The following GNA14 variants were observed in gnomAD, a reference collection of about 807,000 sequenced individuals.
GNA14 encodes the protein G protein subunit alpha 14.
A neutral mutation model predicts 42.0 loss-of-function variants in GNA14; 50 were observed. The ratio of observed to expected loss-of-function variants is 1.19; its 90% CI spans 0.95 to 1.51. The LOEUF (loss-of-function observed/expected upper bound fraction) is 1.51, where lower values mean the gene tolerates loss of function less well. Among genes scored for constraint, GNA14 ranks in the 40% most tolerant of loss-of-function variants. The probability of loss-of-function intolerance (pLI) is 0.00; values close to 1 mark genes in which losing one functional copy is unlikely to be tolerated. For missense variants in GNA14, 473 were observed against 446.2 expected, an observed-to-expected ratio of 1.06 and a Z score of -0.54; for synonymous variants, 173 against 163.1, an observed-to-expected ratio of 1.06 and a Z score of -0.46.
chr9:77,522,373 A>T (rs1036250523), intron 2 of GNA14, among the ~76,000 whole-genome samples: 3 of 152,206 alleles, frequency 2.0e-5, no homozygotes, highest in Non-Finnish European at 4.4e-5. Flanking sequence ...AAAGACTCAA[A>T]GGAAACAAAC....
chr9:77,621,751 CAGAG>C (rs1330445638), intron 1 of GNA14, among the ~76,000 whole-genome samples: 3 of 152,128 alleles, frequency 2.0e-5, no homozygotes, highest in African/African-American at 7.2e-5. Flanking sequence ...AAATAAAAAG[CAGAG>C]AGATATTAAA....
chr9:77,540,816 C>G (rs191978272), intron 1 of GNA14, among the ~76,000 whole-genome samples: 1 of 152,134 alleles, frequency 6.6e-6, no homozygotes, highest in East Asian at 1.9e-4. Flanking sequence ...ATATCTTTTT[C>G]TATCCCTTTA....
intron 2 of GNA14, among the ~76,000 whole-genome samples, chr9:77,502,499 G>A (rs1450061031): frequency 1.3e-5 from 2 of 152,166 alleles, no homozygotes; most frequent in Admixed American, 6.5e-5. Context: ...TGGGAGATCT[G>A]GTTCCCCCTG....
At chr9:77,493,384 C>T (rs908011975) in intron 2 of GNA14, among the ~76,000 whole-genome samples, 1 of 152,200 alleles carries the variant, frequency 6.6e-6, no homozygotes, top group East Asian at 1.9e-4. Context: ...TAAAAAATTA[C>T]AATGAAGGTG....
rs371851845 is a variant in GNA14, at chr9:77,458,827, G to A, written c.310-24305C>T. Among the ~76,000 whole-genome samples, 22 of 149,642 alleles carry A rather than the reference G, an allele frequency of 1.5e-4. No individual in the cohort carries two copies. In the East Asian group the frequency reaches 3.8e-3, roughly 26 times the overall value. Reference sequence around the variant, plus strand: ...ATCAGGGCCCATTTATTCCTGAACAGTATCTCTACTGTGCTTTCCAGAGTT... The same window carrying A: ...ATCAGGGCCCATTTATTCCTGAACAATATCTCTACTGTGCTTTCCAGAGTT... On this transcript the variant is annotated intron_variant, in intron 2 of 6. Coordinates refer to ENST00000341700, the MANE Select transcript of GNA14 (RefSeq NM_004297.4).
intron 2 of GNA14, among the ~76,000 whole-genome samples, chr9:77,497,565 C>G (rs1454174310): frequency 2.0e-5 from 3 of 152,174 alleles, no homozygotes. Flanking sequence ...CATTTTACAA[C>G]TATGTAATAA....
chr9:77,585,810 A>G (rs944028284), intron 1 of GNA14, among the ~76,000 whole-genome samples: 2 of 152,152 alleles, frequency 1.3e-5, no homozygotes, highest in African/African-American at 2.4e-5. Flanking sequence ...CCCCTGCTAC[A>G]TCTTCCTCAT....
At chr9:77,501,243 C>A (rs565195445) in intron 2 of GNA14, among the ~76,000 whole-genome samples, 5 of 152,126 alleles carry the variant, frequency 3.3e-5, no homozygotes, top group Admixed American at 6.5e-5. Context: ...GTGTGAGCCA[C>A]CACGCCCAGC....
intron 2 of GNA14, among the ~76,000 whole-genome samples, chr9:77,486,011 A>T (rs1456108393): frequency 6.6e-6 from 1 of 152,132 alleles, no homozygotes; most frequent in Non-Finnish European, 1.5e-5. Context: ...CTAACAAGAG[A>T]GTCAGCCTGT....
Position 77,529,143 on chromosome 9 carries a change from T to A in GNA14, c.235A>T (p.Ile79Leu), listed in dbSNP as rs376953908. 22 of 1,614,192 alleles carry A rather than the reference T, an allele frequency of 1.4e-5. No individual in the cohort carries two copies. The African/African-American group carries it at 2.5e-4, about 19-fold the overall frequency. Residue 79 changes from isoleucine to leucine, a missense_variant, in exon 2 of 7, where the codon ATA (isoleucine) becomes TTA (leucine). Physicochemically the swap from Ile to Leu is conservative, Grantham distance 5 (BLOSUM62 2). Coordinates refer to ENST00000341700, the MANE Select transcript of GNA14 (RefSeq NM_004297.4). ...KGFTKLVYQNIFTAMQAMIRA... is the reference protein window; with the variant it reads ...KGFTKLVYQNLFTAMQAMIRA... Reference sequence around the variant, plus strand: ...ATCATGGCTTGCATGGCGGTGAATATGTTTTGGTAAACCAGCTTCGTGAAC... The same window carrying A: ...ATCATGGCTTGCATGGCGGTGAATAAGTTTTGGTAAACCAGCTTCGTGAAC...
chr9:77,437,514 A>G (rs1297656145), intron 2 of GNA14, among the ~76,000 whole-genome samples: 1 of 151,534 alleles, frequency 6.6e-6, no homozygotes, highest in East Asian at 2.0e-4. Context: ...GCACACCAGC[A>G]TGGGCAACAG....
intron 1 of GNA14, among the ~76,000 whole-genome samples, chr9:77,597,405 T>C (rs953584663): frequency 6.6e-6 from 1 of 152,142 alleles, no homozygotes; most frequent in Non-Finnish European, 1.5e-5. Context: ...TCATCAGCCT[T>C]GAGTGGACAC....
intron 2 of GNA14, among the ~76,000 whole-genome samples, chr9:77,520,751 G>T (rs1356001172): frequency 1.3e-5 from 2 of 152,134 alleles, no homozygotes; most frequent in Non-Finnish European, 2.9e-5. Flanking sequence ...ATGCATAAGT[G>T]TTCAAATAGA....
In GNA14 at chr9:77,428,940, T is replaced by C. The variant is rs373135531; in HGVS notation, c.690A>G (p.Glu230=). ...CACACTCAGCCAGGACCTGGTCATA[T>C]TCACTCAGAGCAACCAAGAAAATAA... ...TSIIFLVALS[E]YDQVLAECDN... is the part of the protein sequence containing the mutation. The change falls in exon 5 of 7, where the codon GAA becomes GAG. Residue 230 remains glutamate (E), a synonymous_variant. Coordinates refer to ENST00000341700, the MANE Select transcript of GNA14 (RefSeq NM_004297.4). 3.1e-6 allele frequency: 5 copies of C among 1,613,936 alleles called. No individual in the cohort carries two copies. The African/African-American group carries it at 5.3e-5, about 17-fold the overall frequency.
chr9:77,493,026 A>AAATATCTAT (rs1554691641), intron 2 of GNA14, among the ~76,000 whole-genome samples: 9 of 51,716 alleles, frequency 1.7e-4, no homozygotes, highest in African/African-American at 1.0e-3. Flanking sequence ...AAAAAAAAAA[A>AAATATCTAT]ATATATATAT....
chr9:77,540,397 T>C (rs926504843), intron 1 of GNA14, among the ~76,000 whole-genome samples: 1 of 152,172 alleles, frequency 6.6e-6, no homozygotes. Context: ...TAAAACATGG[T>C]CTATTATAAA....
chr9:77,524,338 C>G (rs1380319324), intron 2 of GNA14, among the ~76,000 whole-genome samples: 1 of 152,150 alleles, frequency 6.6e-6, no homozygotes, highest in African/African-American at 2.4e-5. Flanking sequence ...TTTCAACAGC[C>G]TAGCTGAGCA....
chr9:77,476,429 T>C (rs752537704), intron 2 of GNA14, among the ~76,000 whole-genome samples: 3 of 152,304 alleles, frequency 2.0e-5, no homozygotes, highest in Non-Finnish European at 4.4e-5. Flanking sequence ...TGTTGTCTTC[T>C]GAATGAACAA....
chr9:77,515,050 G>A (rs926893674), intron 2 of GNA14, among the ~76,000 whole-genome samples: 1 of 152,160 alleles, frequency 6.6e-6, no homozygotes, highest in African/African-American at 2.4e-5. Context: ...CAATCCAATA[G>A]GGAGAGGAAA....
Sources: allele counts gnomAD v4.1 joint callset (sites outside exome capture counted in the v4.1 genomes callset), GRCh38; gene constraint gnomAD v4.1.1; transcripts MANE v1.5; gene names NCBI Gene and HGNC (gene_info 2026-07-23, HGNC 2026-07-21).